Variants in GPC6 observed in about 807,000 individuals in gnomAD.
GPC6 encodes the protein glypican-6.
GPC6 carries 14 observed loss-of-function variants against 55.2 expected under a neutral mutation model. The observed-to-expected ratio is 0.25, with a 90% CI of 0.17 to 0.40. The LOEUF (loss-of-function observed/expected upper bound fraction) is 0.40, where lower values mean the gene tolerates loss of function less well. Ranked by LOEUF, GPC6 falls within the 10% of genes least tolerant of loss-of-function variation. GPC6 has a pLI of 1.00. For missense variants in GPC6, 641 were observed against 708.5 expected (o/e 0.90, Z 1.08); for synonymous variants, 278 against 259.6 (o/e 1.07, Z -0.68).
intron 5 of GPC6, among the ~76,000 whole-genome samples, chr13:94,304,051 G>A (rs1566653868): frequency 6.6e-6 from 1 of 152,184 alleles, no homozygotes; most frequent in Non-Finnish European, 1.5e-5. Flanking sequence ...ACACTCAACA[G>A]ATCCCTGGAG....
At chr13:93,523,509 T>TTG (rs146065094) in intron 1 of GPC6, among the ~76,000 whole-genome samples, 1,598 of 150,696 alleles carry the variant, frequency 0.011, 29 homozygotes, top group African/African-American at 0.035. Context: ...ATATACATAT[T>TTG]TGTGTGTGTG....
chr13:93,580,884 C>T (rs1022835232), intron 2 of GPC6, among the ~76,000 whole-genome samples: 11 of 151,970 alleles, frequency 7.2e-5, no homozygotes, highest in Admixed American at 6.6e-4. Flanking sequence ...ACATGAAAAT[C>T]GCATTTTTAC....
At chr13:93,907,800 A>T (rs1451062892) in intron 3 of GPC6, among the ~76,000 whole-genome samples, 2 of 152,156 alleles carry the variant, frequency 1.3e-5, no homozygotes, top group Non-Finnish European at 2.9e-5. Flanking sequence ...TTTGCTGTTT[A>T]ATCATATTAG....
At chr13:93,525,918 A>G (rs867746449) in intron 1 of GPC6, among the ~76,000 whole-genome samples, 1 of 152,248 alleles carries the variant, frequency 6.6e-6, no homozygotes. Flanking sequence ...ACCCTTATGT[A>G]TTTGCTATAC....
At chr13:94,255,704 G>A (rs1245026261) in intron 4 of GPC6, among the ~76,000 whole-genome samples, 1 of 152,156 alleles carries the variant, frequency 6.6e-6, no homozygotes, top group African/African-American at 2.4e-5. Flanking sequence ...AGAAAGGTCA[G>A]GAGTATCAGG....
intron 3 of GPC6, among the ~76,000 whole-genome samples, chr13:93,886,617 T>A (rs1235628813): frequency 3.3e-5 from 5 of 152,090 alleles, no homozygotes; most frequent in Non-Finnish European, 7.4e-5. Flanking sequence ...TACCCATTCA[T>A]ATTGAAACTG....
chr13:93,741,678 T>G (rs1353501049), intron 2 of GPC6, among the ~76,000 whole-genome samples: 1 of 152,232 alleles, frequency 6.6e-6, no homozygotes, highest in African/African-American at 2.4e-5. Context: ...GTCCATCCTC[T>G]GTTGCATAAA....
chr13:93,566,547 G>GGTT (rs1566427274), intron 2 of GPC6, among the ~76,000 whole-genome samples: 1 of 32,424 alleles, frequency 3.1e-5, no homozygotes, highest in Non-Finnish European at 1.4e-4. Context: ...TTTTTTGCTT[G>GGTT]TTTTTTTTTA....
At chr13:94,042,312 C>A (rs969549881) in intron 4 of GPC6, among the ~76,000 whole-genome samples, 5 of 151,882 alleles carry the variant, frequency 3.3e-5, no homozygotes, top group Non-Finnish European at 7.4e-5. Flanking sequence ...GATTAAACCT[C>A]ATTTCTTTAT....
rs74108883 is a variant in GPC6 at position 93,836,991 on chromosome 13, T to A, written c.711+6446T>A. Among the ~76,000 whole-genome samples, 1,232 of 152,296 alleles carry A rather than the reference T, an allele frequency of 8.1e-3. 19 individuals are homozygous for A. The highest frequency in any genetic ancestry group is 0.028 in the African/African-American group (1,178 of 41,562). On this transcript the variant is annotated intron_variant, in intron 3 of 8. Coordinates refer to ENST00000377047, the MANE Select transcript of GPC6 (RefSeq NM_005708.5). ...GAAAGTTTCACTTTGATTAAAACAA[T>A]TTGATTATATTGATTGAAACAATTT...
chr13:93,837,935 G>A (rs1218248633), intron 3 of GPC6, among the ~76,000 whole-genome samples: 1 of 152,172 alleles, frequency 6.6e-6, no homozygotes, highest in Non-Finnish European at 1.5e-5. Context: ...CTACAAGCAT[G>A]TTATCCTTGA....
At chr13:93,240,309 T>A (rs1050907310) in intron 1 of GPC6, among the ~76,000 whole-genome samples, 8 of 152,158 alleles carry the variant, frequency 5.3e-5, no homozygotes, top group Admixed American at 1.3e-4. Flanking sequence ...GCTCTGGTGT[T>A]AGGTGTATGT....
chr13:93,873,709 C>A (rs1889200809), intron 3 of GPC6, among the ~76,000 whole-genome samples: 2 of 151,902 alleles, frequency 1.3e-5, no homozygotes, highest in Non-Finnish European at 1.5e-5. Context: ...ATAATGAATA[C>A]AACGTATTAT....
At chr13:93,356,399 A>G (rs1164443071) in intron 1 of GPC6, among the ~76,000 whole-genome samples, 2 of 152,120 alleles carry the variant, frequency 1.3e-5, no homozygotes, top group Non-Finnish European at 2.9e-5. Context: ...ATAATAGCAA[A>G]TTATTCCATA....
intron 6 of GPC6, among the ~76,000 whole-genome samples, chr13:94,312,952 C>T (rs1419247507): frequency 1.3e-5 from 2 of 152,218 alleles, no homozygotes; most frequent in African/African-American, 4.8e-5. Flanking sequence ...AGGTTGTGAA[C>T]GACCCGGTCT....
upstream of GPC6, chr13:93,226,549 C>T (rs1307904943): frequency 6.6e-6 from 1 of 152,198 alleles, no homozygotes; most frequent in Admixed American, 6.5e-5. Flanking sequence ...ACAATTGGAA[C>T]TGCGTTATCC....
chr13:93,451,132 T>G (rs1464551856), intron 1 of GPC6, among the ~76,000 whole-genome samples: 4 of 152,220 alleles, frequency 2.6e-5, no homozygotes, highest in Non-Finnish European at 5.9e-5. Flanking sequence ...GCTGGGCAAC[T>G]GGGTATATCA....
chr13:93,902,725 A>G (rs1256980702), intron 3 of GPC6, among the ~76,000 whole-genome samples: 1 of 152,072 alleles, frequency 6.6e-6, no homozygotes, highest in Non-Finnish European at 1.5e-5. Flanking sequence ...TGTCTTTTTG[A>G]GAATAGTCAA....
intron 2 of GPC6, among the ~76,000 whole-genome samples, chr13:93,698,692 G>T: frequency 6.6e-6 from 1 of 151,178 alleles, no homozygotes. Context: ...CCATCTTCTG[G>T]GAGAAATCCT....
Sources: gnomAD v4.1 joint callset for allele counts (sites outside exome capture counted in the v4.1 genomes callset) on GRCh38, gnomAD v4.1.1 for gene constraint, MANE v1.5 for transcripts, NCBI Gene and HGNC (gene_info 2026-07-23, HGNC 2026-07-21) for gene names.